Variants in PHF24 observed in about 807,000 individuals in gnomAD.
PHF24 encodes Galpha inhibitory interacting protein.
PHF24 carries 25 observed loss-of-function variants against 42.6 expected under a neutral mutation model. That is an observed-to-expected ratio of 0.59 (90% confidence interval 0.43 to 0.82). The LOEUF (loss-of-function observed/expected upper bound fraction) is 0.82, where lower values mean the gene tolerates loss of function less well. Among genes scored for constraint, PHF24 ranks in the 40% least tolerant of loss-of-function variants. The probability of loss-of-function intolerance (pLI) is 0.00; values close to 1 mark genes in which losing one functional copy is unlikely to be tolerated. For missense variants in PHF24, 470 were observed against 538.1 expected (o/e 0.87, Z 1.25); for synonymous variants, 185 against 204.8 (o/e 0.90, Z 0.83).
intron 1 of PHF24, among the ~76,000 whole-genome samples, chr9:34,966,880 T>G (rs925111392): frequency 4.6e-5 from 7 of 152,106 alleles, no homozygotes; most frequent in African/African-American, 1.7e-4. Flanking sequence ...TTCCATCTTT[T>G]TAATCACTGT....
chr9:34,969,511 T>C (rs12338319), intron 1 of PHF24, among the ~76,000 whole-genome samples: 45,539 of 151,886 alleles, frequency 0.3, 7,483 homozygotes, highest in East Asian at 0.64. Flanking sequence ...CATGGTGGCA[T>C]GTGCCTGTAG....
the PHF24 span, among the ~76,000 whole-genome samples, chr9:34,914,033 A>G: frequency 6.6e-6 from 1 of 152,146 alleles, no homozygotes; most frequent in Admixed American, 6.6e-5. Flanking sequence ...TTATTCTTGT[A>G]TAGTCACTTC....
chr9:34,927,983 A>G, the PHF24 span, among the ~76,000 whole-genome samples: 2 of 152,152 alleles, frequency 1.3e-5, no homozygotes, highest in African/African-American at 4.8e-5. Context: ...ATGGATATAG[A>G]AAAATAGCTA....
the PHF24 span, among the ~76,000 whole-genome samples, chr9:34,773,549 A>G: frequency 6.6e-6 from 1 of 152,236 alleles, no homozygotes; most frequent in African/African-American, 2.4e-5. Context: ...ATTACAATCC[A>G]AAGGATAAAA....
the PHF24 span, among the ~76,000 whole-genome samples, chr9:34,937,087 C>T: frequency 1.9e-4 from 28 of 150,374 alleles, no homozygotes; most frequent in African/African-American, 6.6e-4. Context: ...GCCTCTGCCC[C>T]GGCCGCCCCT....
chr9:34,955,897 G>A (rs1192257457), upstream of PHF24, among the ~76,000 whole-genome samples: 2 of 152,074 alleles, frequency 1.3e-5, no homozygotes, highest in South Asian at 2.1e-4. Context: ...GAACAATAAC[G>A]TAGTAAAAGC....
the PHF24 span, among the ~76,000 whole-genome samples, chr9:34,901,121 A>AT: frequency 6.6e-6 from 1 of 152,284 alleles, no homozygotes; most frequent in East Asian, 1.9e-4. Context: ...GAAAACTCTT[A>AT]TTTTTTTATG....
the PHF24 span, among the ~76,000 whole-genome samples, chr9:34,675,638 C>G: frequency 6.6e-6 from 1 of 152,146 alleles, no homozygotes; most frequent in Non-Finnish European, 1.5e-5. Flanking sequence ...TCCCTGCGTC[C>G]TATCCCCTGG....
At chr9:34,712,797 C>G in the PHF24 span, among the ~76,000 whole-genome samples, 1 of 151,934 alleles carries the variant, frequency 6.6e-6, no homozygotes, top group Non-Finnish European at 1.5e-5. Flanking sequence ...ATAAAACAAG[C>G]AACAAAGCAG....
At chr9:34,701,908 A>G in the PHF24 span, among the ~76,000 whole-genome samples, 1 of 152,164 alleles carries the variant, frequency 6.6e-6, no homozygotes, top group African/African-American at 2.4e-5. The surrounding 1 kb of genome is among the most constrained non-coding windows in gnomAD (Gnocchi z 5.8). Context: ...AAGGTGCCCA[A>G]TGTTGAAGTC....
chr9:34,888,020 T>G, the PHF24 span, among the ~76,000 whole-genome samples: 1 of 151,770 alleles, frequency 6.6e-6, no homozygotes, highest in Non-Finnish European at 1.5e-5. Context: ...TATACAGGGG[T>G]TTCTCCAGTG....
At chr9:34,707,948 T>C in the PHF24 span, among the ~76,000 whole-genome samples, 2 of 152,092 alleles carry the variant, frequency 1.3e-5, no homozygotes, top group African/African-American at 4.8e-5. Flanking sequence ...GCCAGGCTGG[T>C]CAGGAACTCC....
At chr9:34,879,412 C>T in the PHF24 span, among the ~76,000 whole-genome samples, 1 of 152,162 alleles carries the variant, frequency 6.6e-6, no homozygotes, top group South Asian at 2.1e-4. Context: ...TAACAAACTT[C>T]TCCAAGCTAA....
At chr9:34,899,749 G>A in the PHF24 span, among the ~76,000 whole-genome samples, 1 of 152,128 alleles carries the variant, frequency 6.6e-6, no homozygotes, top group Non-Finnish European at 1.5e-5. Context: ...GACACTAGAG[G>A]GCAGCACATG....
At chr9:34,975,720 C>G (rs1013276609) in intron 3 of PHF24, among the ~76,000 whole-genome samples, 2 of 151,112 alleles carry the variant, frequency 1.3e-5, no homozygotes, top group Non-Finnish European at 2.9e-5. Flanking sequence ...AACTAAAATA[C>G]ATTTTTAGCA....
chr9:34,873,054 TG>T, the PHF24 span, among the ~76,000 whole-genome samples: 1 of 149,788 alleles, frequency 6.7e-6, no homozygotes, highest in African/African-American at 2.4e-5. Flanking sequence ...TGGGGTTGTT[TG>T]TTTTTTTCTT....
the PHF24 span, chr9:34,681,324 G>A: frequency 6.6e-6 from 1 of 152,180 alleles, no homozygotes; most frequent in African/African-American, 2.4e-5. Flanking sequence ...TGTGTTGGTG[G>A]TGGTTACCAG....
At chr9:34,788,320 G>A in the PHF24 span, among the ~76,000 whole-genome samples, 1 of 152,178 alleles carries the variant, frequency 6.6e-6, no homozygotes, top group African/African-American at 2.4e-5. Flanking sequence ...TGGGATTATA[G>A]GTGTGAGTCA....
At chr9:34,873,787 A>G in the PHF24 span, among the ~76,000 whole-genome samples, 2 of 150,628 alleles carry the variant, frequency 1.3e-5, no homozygotes, top group African/African-American at 4.9e-5. Context: ...TCTATAAATT[A>G]CCTTGGGCAG....
Sources: gnomAD v4.1 joint callset for allele counts (sites outside exome capture counted in the v4.1 genomes callset) on GRCh38, gnomAD v4.1.1 for gene constraint, Gnocchi (gnomAD v3.1) non-coding constraint, MANE v1.5 for transcripts, NCBI Gene and HGNC (gene_info 2026-07-23, HGNC 2026-07-21) for gene names.